SYDE2: variants seen among roughly 807,000 people sequenced by gnomAD.
SYDE2 encodes the protein rho GTPase-activating protein SYDE2.
In SYDE2, 76 loss-of-function variants were observed where a neutral mutation model predicts 91.5. That is an observed-to-expected ratio of 0.83 (90% CI 0.69 to 1.01). SYDE2 has a LOEUF of 1.01. Ranked by LOEUF, SYDE2 falls within the 50% of genes least tolerant of loss-of-function variation. The pLI is 0.00. For missense variants in SYDE2, 1,364 were observed against 1,367.7 expected, an observed-to-expected ratio of 1.00 and a Z score of 0.04; for synonymous variants, 513 against 506.4, an observed-to-expected ratio of 1.01 and a Z score of -0.18.
chr1:85,180,466 C>T (rs1021129200), intron 3 of SYDE2, among the ~76,000 whole-genome samples: 4 of 151,814 alleles, frequency 2.6e-5, no homozygotes, highest in Admixed American at 2.0e-4. Flanking sequence ...CCGAGGCAGG[C>T]GGATCACAAG....
intron 3 of SYDE2, among the ~76,000 whole-genome samples, chr1:85,178,708 C>CA (rs1657804219): frequency 6.6e-6 from 1 of 152,048 alleles, no homozygotes; most frequent in Non-Finnish European, 1.5e-5. Context: ...CTTTAAAACT[C>CA]AGTTTCTTTT....
In SYDE2 at chr1:85,200,478, G is replaced by T. The variant is rs1476501243; in HGVS notation, c.519C>A (p.Asp173Glu). 3.7e-6 allele frequency: 6 copies of T among 1,613,862 alleles called. No homozygotes were observed. The highest frequency in any genetic ancestry group is 5.1e-6 in the Non-Finnish European group (6 of 1,179,884). ...GSSVIRSGKGDRQEGPSFLRP... is the reference protein window; with the variant it reads ...GSSVIRSGKGERQEGPSFLRP... ...TGAGGAAGGAGGGGCCTTCCTGGCG[G>T]TCTCCTTTGCCACTGCGTATCACAG... Residue 173 changes from aspartate (D) to glutamate (E), a missense_variant, in exon 1 of 7, where the codon GAC becomes GAA. Transcript: ENST00000341460.
intron 4 of SYDE2, among the ~76,000 whole-genome samples, chr1:85,173,185 C>T (rs1657563402): frequency 6.6e-6 from 1 of 152,076 alleles, no homozygotes; most frequent in Admixed American, 6.6e-5. Flanking sequence ...TCCAATATGA[C>T]ATGTTCTTAT....
At chr1:85,174,401 T>C (rs933190747) in intron 4 of SYDE2, among the ~76,000 whole-genome samples, 4 of 151,584 alleles carry the variant, frequency 2.6e-5, no homozygotes, top group Non-Finnish European at 5.9e-5. Context: ...AAATGGAACA[T>C]TTACCACAAA....
At chr1:85,187,941 A>G (rs1337446054) in intron 2 of SYDE2, among the ~76,000 whole-genome samples, 1 of 152,068 alleles carries the variant, frequency 6.6e-6, no homozygotes, top group Non-Finnish European at 1.5e-5. Context: ...GGTGCAGCAC[A>G]TCAGCATGGC....
At chr1:85,198,010 T>C (rs1236163466) in intron 1 of SYDE2, among the ~76,000 whole-genome samples, 1 of 152,180 alleles carries the variant, frequency 6.6e-6, no homozygotes, top group Non-Finnish European at 1.5e-5. Context: ...CCATCTTCTT[T>C]GCAACTTTGA....
At chr1:85,179,164 A>G (rs1054255159) in intron 3 of SYDE2, among the ~76,000 whole-genome samples, 1 of 152,196 alleles carries the variant, frequency 6.6e-6, no homozygotes, top group Non-Finnish European at 1.5e-5. Context: ...CACATCTAAG[A>G]CTATTTAGAA....
At position 85,200,332 on chromosome 1, in the gene SYDE2, G is replaced by A; in HGVS notation, c.665C>T (p.Ala222Val). ...TAPKVTGTQAASPNVGALKVR... is the reference protein window; with the variant it reads ...TAPKVTGTQAVSPNVGALKVR... The stretch of plus-strand genomic sequence containing the variant: ...TTTCAAAGCGCCCACATTTGGGGAG[G>A]CTGCCTGCGTTCCTGTGACTTTGGG... The change falls in exon 1 of 7, where the codon GCC becomes GTC. Residue 222 changes from alanine (A) to valine (V), a missense_variant. Ala to Val is a moderately conservative substitution (Grantham distance 64, BLOSUM62 0). Coordinates refer to ENST00000341460, the MANE Select transcript of SYDE2 (RefSeq NM_032184.2). 6.2e-7 allele frequency: 1 copy of A among 1,614,000 alleles called. No individual in the cohort carries two copies. The highest frequency in any genetic ancestry group is 2.2e-5 in the East Asian group (1 of 44,874).
chr1:85,162,162 A>G (rs1268433325), intron 6 of SYDE2, among the ~76,000 whole-genome samples: 1 of 152,244 alleles, frequency 6.6e-6, no homozygotes, highest in Non-Finnish European at 1.5e-5. Context: ...ATAAAAAACA[A>G]AAAATAACAT....
chr1:85,184,109 A>T (rs1376001938), intron 2 of SYDE2, among the ~76,000 whole-genome samples: 1 of 152,194 alleles, frequency 6.6e-6, no homozygotes, highest in Non-Finnish European at 1.5e-5. Context: ...ACTATCTTTA[A>T]AAAGAAGGTA....
chr1:85,175,537 G>T (rs1657665625), intron 4 of SYDE2, among the ~76,000 whole-genome samples: 1 of 152,092 alleles, frequency 6.6e-6, no homozygotes, highest in Non-Finnish European at 1.5e-5. Context: ...CTAAAATTTT[G>T]CACTTGATTT....
chr1:85,185,228 T>C lies in SYDE2; in HGVS notation c.1442-2028A>G, dbSNP rs568113885. On this transcript the variant is annotated intron_variant, in intron 2 of 6. Coordinates refer to ENST00000341460, the MANE Select transcript of SYDE2 (RefSeq NM_032184.2). ...ATGTAAATATTTAATATTTATAATA[T>C]ATATTTATATTATTTTATAATTATA... 7.4e-5 allele frequency among the ~76,000 whole-genome samples: 11 copies of C among 147,676 alleles called. No individual in the cohort carries two copies. In the South Asian group the frequency reaches 2.3e-3, roughly 31 times the overall value.
downstream of SYDE2, among the ~76,000 whole-genome samples, chr1:85,154,511 A>C (rs922603462): frequency 6.8e-6 from 1 of 147,170 alleles, no homozygotes; most frequent in African/African-American, 2.5e-5. Context: ...ATTAGTACTA[A>C]TCGTTAACAG....
At chr1:85,154,504 A>G (rs1385003423), downstream of SYDE2, among the ~76,000 whole-genome samples, 1 of 146,500 alleles carries the variant, frequency 6.8e-6, no homozygotes, top group Admixed American at 6.9e-5. Context: ...CAGAGGCATT[A>G]GTACTAATCG....
At chr1:85,191,991 A>C (rs1658389219) in intron 1 of SYDE2, among the ~76,000 whole-genome samples, 1 of 150,990 alleles carries the variant, frequency 6.6e-6, no homozygotes, top group South Asian at 2.1e-4. Flanking sequence ...ACCACATTTT[A>C]AAAATCTAAG....
Position 85,200,572 on chromosome 1 carries a change from A to C in SYDE2, c.425T>G (p.Leu142Arg). 3.8e-6 allele frequency: 6 copies of C among 1,598,828 alleles called. No homozygotes were observed. Among genetic ancestry groups the C allele is most frequent in the Non-Finnish European group, 5.1e-6 (6 of 1,174,774 alleles). The change falls in exon 1 of 7, where the codon CTC becomes CGC. Residue 142 changes from leucine (L) to arginine (R), a missense_variant. Transcript: ENST00000341460. ...DRARAAAPTGLQPPGCKDHGC... is the reference protein window; with the variant it reads ...DRARAAAPTGRQPPGCKDHGC... The stretch of plus-strand genomic sequence containing the variant: ...GTGGTCCTTGCAGCCTGGAGGCTGG[A>C]GGCCGGTGGGTGCAGCCGCCCGGGC...
intron 4 of SYDE2, among the ~76,000 whole-genome samples, chr1:85,176,657 CAGT>C (rs1482185905): frequency 1.3e-5 from 2 of 152,046 alleles, no homozygotes; most frequent in African/African-American, 4.8e-5. Flanking sequence ...TGGCAGTTGT[CAGT>C]AGAGAGGAGA....
At chr1:85,156,790 C>T (rs1656892608), downstream of SYDE2, 1 of 151,944 alleles carries the variant, frequency 6.6e-6, no homozygotes, top group African/African-American at 2.4e-5. Context: ...ACATGATGGT[C>T]CAAAATTTTA....
intron 2 of SYDE2, among the ~76,000 whole-genome samples, chr1:85,187,031 C>A (rs368245878): frequency 1.5e-4 from 22 of 151,588 alleles, no homozygotes; most frequent in African/African-American, 3.9e-4. Flanking sequence ...TAATTAAACT[C>A]AAGAGCTTCT....
Sources: allele counts gnomAD v4.1 joint callset (sites outside exome capture counted in the v4.1 genomes callset), GRCh38; gene constraint gnomAD v4.1.1; transcripts MANE v1.5; gene names NCBI Gene and HGNC (gene_info 2026-07-23, HGNC 2026-07-21).